ROPN1L: variants seen among roughly 807,000 people sequenced by gnomAD.
ROPN1L encodes the protein ropporin-1-like protein.
Under a neutral mutation model 22.7 loss-of-function variants are expected in ROPN1L, and 23 were observed. The observed-to-expected ratio is 1.01, with a 90% confidence interval of 0.73 to 1.43. The LOEUF is 1.43. ROPN1L is among the 40% of genes most tolerant of loss of function. The pLI is 0.00. For synonymous variants in ROPN1L, 116 were observed against 117.8 expected (o/e 0.98, Z 0.10); for missense variants, 271 against 291.5 (o/e 0.93, Z 0.51).
downstream of ROPN1L, among the ~76,000 whole-genome samples, chr5:10,475,738 G>A (rs1361340941): frequency 2.6e-5 from 4 of 152,198 alleles, no homozygotes; most frequent in Non-Finnish European, 2.9e-5. Context: ...TTGTCCCATC[G>A]CTCTGTTTCC....
intron 1 of ROPN1L, among the ~76,000 whole-genome samples, chr5:10,445,780 G>A (rs1306626393): frequency 2.0e-5 from 3 of 152,116 alleles, no homozygotes; most frequent in South Asian, 2.1e-4. Context: ...AAAATTAGCC[G>A]GCCATGGTGA....
downstream of ROPN1L, among the ~76,000 whole-genome samples, chr5:10,469,489 A>G (rs1735212652): frequency 1.3e-5 from 2 of 152,206 alleles, no homozygotes; most frequent in South Asian, 4.1e-4. Context: ...CCCGTCTCAA[A>G]AAAAGAAAAA....
chr5:10,451,747 C>T (rs1024640886), intron 3 of ROPN1L, among the ~76,000 whole-genome samples: 7 of 152,298 alleles, frequency 4.6e-5, no homozygotes, highest in Non-Finnish European at 8.8e-5. Context: ...TGCTTCCTGT[C>T]AGCCCCGGGC....
the ROPN1L span, among the ~76,000 whole-genome samples, chr5:10,478,555 A>C: frequency 2.6e-5 from 4 of 152,046 alleles, no homozygotes; most frequent in Non-Finnish European, 5.9e-5. Flanking sequence ...GTGTGGGTGC[A>C]TTACTCCAAT....
intron 3 of ROPN1L, among the ~76,000 whole-genome samples, chr5:10,451,371 T>C (rs1013272430): frequency 2.0e-5 from 3 of 152,252 alleles, no homozygotes; most frequent in African/African-American, 7.2e-5. Flanking sequence ...CCTGGTGGCC[T>C]GAAGCAATGA....
intron 4 of ROPN1L, among the ~76,000 whole-genome samples, chr5:10,470,150 C>G (rs942082979): frequency 2.6e-5 from 4 of 152,196 alleles, no homozygotes; most frequent in African/African-American, 7.2e-5. Context: ...TAAACATTCT[C>G]AGAGGTCGAT....
chr5:10,452,235 G>A (rs901099035), intron 3 of ROPN1L, among the ~76,000 whole-genome samples: 1 of 150,104 alleles, frequency 6.7e-6, no homozygotes, highest in South Asian at 2.1e-4. Flanking sequence ...CCAGCCTCAG[G>A]TTCTGGGATT....
chr5:10,474,081 G>A (rs1429011290), downstream of ROPN1L, among the ~76,000 whole-genome samples: 1 of 151,940 alleles, frequency 6.6e-6, no homozygotes, highest in Non-Finnish European at 1.5e-5. Flanking sequence ...GAGCCCCGGA[G>A]GTGGAGGTTG....
intron 1 of ROPN1L, among the ~76,000 whole-genome samples, chr5:10,445,121 C>A (rs934485356): frequency 6.6e-6 from 1 of 152,016 alleles, no homozygotes; most frequent in Non-Finnish European, 1.5e-5. Flanking sequence ...CAGGTGCGTG[C>A]CACCACGCCC....
At chr5:10,466,881 G>C (rs924359337), downstream of ROPN1L, among the ~76,000 whole-genome samples, 1 of 152,150 alleles carries the variant, frequency 6.6e-6, no homozygotes, top group African/African-American at 2.4e-5. Context: ...GGCAGGGCTG[G>C]TTTCTCCGGA....
At chr5:10,465,180 T>C (rs1735130854), downstream of ROPN1L, among the ~76,000 whole-genome samples, 1 of 152,208 alleles carries the variant, frequency 6.6e-6, no homozygotes, top group African/African-American at 2.4e-5. Context: ...AATAATCTAT[T>C]TGGAGACTGC....
intron 1 of ROPN1L, 65 bp downstream of exon 1, chr5:10,442,363 C>T (rs1231787049): frequency 6.3e-7 from 1 of 1,587,224 alleles, no homozygotes; most frequent in East Asian, 2.2e-5. Flanking sequence ...CCCAGAGAGC[C>T]CTCCTCCCGG....
chr5:10,460,346 GA>G (rs1003099591), intron 3 of ROPN1L, among the ~76,000 whole-genome samples: 1 of 152,250 alleles, frequency 6.6e-6, no homozygotes, highest in Admixed American at 6.5e-5. Context: ...TGGCCCTGGG[GA>G]GCCCTGGTGC....
intron 1 of ROPN1L, 119 bp from the exon 2 acceptor site, chr5:10,448,141 T>C (rs1312111152): frequency 5.4e-6 from 6 of 1,114,836 alleles, no homozygotes; most frequent in Non-Finnish European, 7.9e-6. Context: ...GCCCGGGATG[T>C]TGGTCTTCAG....
chr5:10,455,452 C>T (rs1741387228), intron 3 of ROPN1L, among the ~76,000 whole-genome samples: 1 of 152,222 alleles, frequency 6.6e-6, no homozygotes. Context: ...GCCGCTCAGG[C>T]TCCTGACTCC....
chr5:10,462,708 A>G (rs1318232052), intron 4 of ROPN1L, among the ~76,000 whole-genome samples: 3 of 152,122 alleles, frequency 2.0e-5, no homozygotes, highest in Non-Finnish European at 2.9e-5. Flanking sequence ...AGCCTGGCCA[A>G]TATGGCAAAA....
intron 1 of ROPN1L, among the ~76,000 whole-genome samples, chr5:10,446,854 A>G (rs550036918): frequency 2.6e-5 from 4 of 152,216 alleles, no homozygotes; most frequent in African/African-American, 9.6e-5. Flanking sequence ...GATTAGTAGG[A>G]ATGTGGCAAA....
downstream of ROPN1L, among the ~76,000 whole-genome samples, chr5:10,468,038 C>T (rs1017630903): frequency 5.9e-5 from 9 of 152,326 alleles, no homozygotes; most frequent in Admixed American, 2.0e-4. Context: ...ACCCACACAT[C>T]GGAGTCTCCT....
intron 1 of ROPN1L, among the ~76,000 whole-genome samples, chr5:10,442,603 T>G (rs1740923479): frequency 6.6e-6 from 1 of 152,242 alleles, no homozygotes; most frequent in Admixed American, 6.5e-5. Context: ...AGTAATTGCA[T>G]TGGGCAAAAA....
Sources: gnomAD v4.1 joint callset for allele counts (sites outside exome capture counted in the v4.1 genomes callset) on GRCh38, gnomAD v4.1.1 for gene constraint, MANE v1.5 for transcripts, NCBI Gene and HGNC (gene_info 2026-07-23, HGNC 2026-07-21) for gene names.